Variants in ZNF362 observed in about 807,000 individuals in gnomAD.
The protein encoded by ZNF362 is zinc finger protein 362.
In ZNF362, 11 loss-of-function variants were observed where a neutral mutation model predicts 42.9. The ratio of observed to expected loss-of-function variants is 0.26; its 90% confidence interval spans 0.16 to 0.42. The LOEUF is 0.42. Among genes scored for constraint, ZNF362 ranks in the 20% least tolerant of loss-of-function variants. ZNF362 has a pLI of 1.00. For missense variants in ZNF362, 362 were observed against 576.2 expected, an observed-to-expected ratio of 0.63 and a Z score of 3.81; for synonymous variants, 255 against 257.3, an observed-to-expected ratio of 0.99 and a Z score of 0.09.
the ZNF362 span, among the ~76,000 whole-genome samples, chr1:33,168,256 T>G: frequency 6.6e-6 from 1 of 152,086 alleles, no homozygotes; most frequent in Non-Finnish European, 1.5e-5. Context: ...GAGGCAACTG[T>G]AAAGACCAAA....
intron 8 of ZNF362, among the ~76,000 whole-genome samples, chr1:33,296,686 CCT>C (rs1646127000): frequency 1.3e-5 from 2 of 152,118 alleles, no homozygotes; most frequent in African/African-American, 4.8e-5. Context: ...GTGCGAACCC[CCT>C]GAGGGGTAAC....
At chr1:33,271,834 A>T (rs1303595615) in intron 2 of ZNF362, among the ~76,000 whole-genome samples, 1 of 152,116 alleles carries the variant, frequency 6.6e-6, no homozygotes, top group Non-Finnish European at 1.5e-5. Flanking sequence ...GCAGATGGGG[A>T]TGTCCCGCTG....
intron 1 of ZNF362, among the ~76,000 whole-genome samples, chr1:33,262,204 C>T (rs1645832591): frequency 6.7e-6 from 1 of 150,218 alleles, no homozygotes; most frequent in African/African-American, 2.5e-5. Context: ...CTGCCTTGTT[C>T]CCTGCCTCAT....
the ZNF362 span, among the ~76,000 whole-genome samples, chr1:33,173,164 G>T: frequency 2.0e-3 from 302 of 152,158 alleles, 3 homozygotes; most frequent in Non-Finnish European, 3.0e-3. Context: ...CAACAGACTG[G>T]AATTATTTTA....
the ZNF362 span, among the ~76,000 whole-genome samples, chr1:33,245,390 C>T: frequency 4.6e-5 from 7 of 151,756 alleles, no homozygotes; most frequent in Non-Finnish European, 7.4e-5. Context: ...GAGGCATATA[C>T]GAGGGATTTT....
chr1:33,288,117 A>G (rs1050404273), intron 6 of ZNF362, among the ~76,000 whole-genome samples: 1 of 152,182 alleles, frequency 6.6e-6, no homozygotes, highest in African/African-American at 2.4e-5. Context: ...TTTTATGAAC[A>G]CCCATTAAAT....
the ZNF362 span, among the ~76,000 whole-genome samples, chr1:33,179,210 G>C: frequency 2.6e-5 from 4 of 152,260 alleles, no homozygotes; most frequent in Non-Finnish European, 5.9e-5. Flanking sequence ...CGATGGCTCT[G>C]GGGGTGGAGG....
chr1:33,179,914 G>T, the ZNF362 span, among the ~76,000 whole-genome samples: 1 of 145,220 alleles, frequency 6.9e-6, no homozygotes, highest in South Asian at 2.3e-4. Context: ...TCTCCAAGGG[G>T]GTGGGTATAA....
At chr1:33,191,229 A>T in the ZNF362 span, among the ~76,000 whole-genome samples, 1 of 152,082 alleles carries the variant, frequency 6.6e-6, no homozygotes, top group Non-Finnish European at 1.5e-5. Flanking sequence ...TCTCTATTTA[A>T]ATTAGTGGTG....
chr1:33,262,665 C>T (rs987951832), intron 1 of ZNF362, among the ~76,000 whole-genome samples: 1 of 152,078 alleles, frequency 6.6e-6, no homozygotes, highest in Non-Finnish European at 1.5e-5. Context: ...GGGGCTCTGT[C>T]GGGGGACACC....
chr1:33,214,076 GAAA>G, the ZNF362 span, among the ~76,000 whole-genome samples: 1 of 151,882 alleles, frequency 6.6e-6, no homozygotes, highest in Admixed American at 6.6e-5. Flanking sequence ...TGTGAAATAA[GAAA>G]AAAGAAGCAA....
the ZNF362 span, among the ~76,000 whole-genome samples, chr1:33,186,660 G>C: frequency 6.9e-6 from 1 of 145,784 alleles, no homozygotes; most frequent in East Asian, 2.1e-4. Context: ...ACAAAAATTA[G>C]CTGGGCGTGG....
At chr1:33,282,399 T>G (rs1455948727) in intron 6 of ZNF362, among the ~76,000 whole-genome samples, 1 of 152,196 alleles carries the variant, frequency 6.6e-6, no homozygotes, top group East Asian at 1.9e-4. Flanking sequence ...AAACTTTTAC[T>G]CTATGCCAGA....
the ZNF362 span, among the ~76,000 whole-genome samples, chr1:33,184,812 G>A: frequency 1.3e-5 from 2 of 152,018 alleles, no homozygotes; most frequent in Non-Finnish European, 2.9e-5. Flanking sequence ...ATGGAGTCTC[G>A]CTCTGTCACC....
chr1:33,172,618 G>A, the ZNF362 span, among the ~76,000 whole-genome samples: 1 of 152,268 alleles, frequency 6.6e-6, no homozygotes, highest in South Asian at 2.1e-4. Flanking sequence ...TGGAGTCTGC[G>A]CAGCCCTGAG....
chr1:33,250,840 AAG>A, the ZNF362 span, among the ~76,000 whole-genome samples: 5 of 141,396 alleles, frequency 3.5e-5, no homozygotes, highest in African/African-American at 1.3e-4. Flanking sequence ...AAGAAGAAGA[AAG>A]AAGAAAGAAG....
chr1:33,239,640 C>T, the ZNF362 span, among the ~76,000 whole-genome samples: 7 of 152,096 alleles, frequency 4.6e-5, no homozygotes, highest in Non-Finnish European at 7.4e-5. Context: ...AGGGGAAATG[C>T]TAGATTCATA....
the ZNF362 span, among the ~76,000 whole-genome samples, chr1:33,206,434 T>A: frequency 6.6e-6 from 1 of 152,040 alleles, no homozygotes; most frequent in Non-Finnish European, 1.5e-5. Flanking sequence ...AAATTTGTAA[T>A]TCAAAAGAAT....
the ZNF362 span, among the ~76,000 whole-genome samples, chr1:33,245,100 G>T: frequency 6.6e-6 from 1 of 152,076 alleles, no homozygotes; most frequent in Non-Finnish European, 1.5e-5. Flanking sequence ...TTGTAAGCAG[G>T]GCTTCTCCTT....
Sources: gnomAD v4.1 joint callset for allele counts (sites outside exome capture counted in the v4.1 genomes callset) on GRCh38, gnomAD v4.1.1 for gene constraint, MANE v1.5 for transcripts, NCBI Gene and HGNC (gene_info 2026-07-23, HGNC 2026-07-21) for gene names.